PIEZO1: variants seen among roughly 807,000 people sequenced by gnomAD.
PIEZO1 encodes piezo-type mechanosensitive ion channel component 1.
Under a neutral mutation model 297.2 loss-of-function variants are expected in PIEZO1, and 296 were observed. That is an observed-to-expected ratio of 1.00 (90% CI 0.91 to 1.10). The LOEUF (loss-of-function observed/expected upper bound fraction) is 1.10. PIEZO1 is among the 50% of genes least tolerant of loss of function. PIEZO1 has a pLI of 0.00. For synonymous variants in PIEZO1, 2,427 were observed against 1,507.5 expected (o/e 1.61, Z -14.13); for missense variants, 5,018 against 3,455.5 (o/e 1.45, Z -11.34).
chr16:88,736,080 T>G (rs903023499), intron 12 of PIEZO1, 68 bp downstream of exon 12: 16 of 1,439,204 alleles, frequency 1.1e-5, no homozygotes, highest in Non-Finnish European at 1.2e-5. Context: ...AAGTGGACAT[T>G]GAACAGGACG....
chr16:88,738,231 C>G lies in PIEZO1; in HGVS notation c.844G>C (p.Ala282Pro), dbSNP rs771736896. The change falls in exon 7 of 51, where the codon GCT becomes CCT. Residue 282 changes from alanine to proline, a missense_variant. Physicochemically the swap from Ala to Pro is conservative, Grantham distance 27. Transcript: ENST00000301015. ...GGCTGTGTGGCAAGCCGTTACCTAG[C>G]CCAGATGCCGGCAGGCGGGAGCAGA... ...QALLPPAGIW[A>P]RVLGLKDFVG... 9 of 1,535,552 alleles carry G rather than the reference C, an allele frequency of 5.9e-6. No individual in the cohort carries two copies. In the African/African-American group the frequency reaches 9.6e-5, roughly 16 times the overall value.
At chr16:88,764,634 C>T (rs1170816348) in intron 1 of PIEZO1, among the ~76,000 whole-genome samples, 1 of 151,796 alleles carries the variant, frequency 6.6e-6, no homozygotes, top group Non-Finnish European at 1.5e-5. Context: ...ACCTGTAATC[C>T]CAGCTACTCG....
chr16:88,722,193 G>A (rs1279538775), intron 36 of PIEZO1, 25 bp downstream of exon 36: 5 of 1,539,336 alleles, frequency 3.2e-6, no homozygotes, highest in Non-Finnish European at 4.4e-6. Flanking sequence ...TGGTGAGGCT[G>A]GTGTTGTGCG....
rs2242168 is a variant in PIEZO1, at chr16:88,727,378, T to C, written c.3301+179A>G. ...GGTGTGAGGGCATCTGCACAAGGGCTGCCGTGCACACAGGCTGAGGTCTGC... is the reference window on the plus strand; with the variant it reads ...GGTGTGAGGGCATCTGCACAAGGGCCGCCGTGCACACAGGCTGAGGTCTGC... On this transcript the variant is annotated intron_variant, in intron 23 of 50. Transcript: ENST00000301015. Among the ~76,000 whole-genome samples the C allele has an allele frequency of 0.26, 39,998 of 152,166 alleles. 5,940 individuals are homozygous for C. Among genetic ancestry groups the C allele is most frequent in the East Asian group, 0.68 (3,494 of 5,150 alleles).
Position 88,715,695 on chromosome 16 carries a change from C to T in PIEZO1, c.7476G>A (p.Glu2492=). 1 of 1,550,422 alleles carries T rather than the reference C, an allele frequency of 6.4e-7. No homozygotes were observed. ...CGTACAACTCCTCCTCCAGCTCCAGCTCCCGAGTCTCCCGCACCAGGAAGA... is the reference window on the plus strand; with the variant it reads ...CGTACAACTCCTCCTCCAGCTCCAGTTCCCGAGTCTCCCGCACCAGGAAGA... ...QDIFLVRETR[E]LELEEELYAK... The change falls in exon 51 of 51, where the codon GAG becomes GAA. Residue 2492 remains glutamate, a synonymous_variant. Transcript: ENST00000301015.
chr16:88,716,872 C>T lies in PIEZO1; in HGVS notation c.6687G>A (p.Gln2229=). The T allele has an allele frequency of 6.5e-7, 1 of 1,549,998 alleles. No individual in the cohort carries two copies. The highest frequency in any genetic ancestry group is 1.2e-5 in the South Asian group (1 of 84,064). The change falls in exon 46 of 51, where the codon CAG becomes CAA. Residue 2229 remains glutamine, a synonymous_variant. Transcript: ENST00000301015. Reference sequence around the variant, plus strand: ...GGGCCGTGAAGGGGATGATGGACGGCTGCTGGGCGCTCATGGTGAACAGCG... The same window carrying T: ...GGGCCGTGAAGGGGATGATGGACGGTTGCTGGGCGCTCATGGTGAACAGCG... ...YEPLFTMSAQ[Q]PSIIPFTAQA...
Position 88,722,679 on chromosome 16 carries a change from A to C in PIEZO1, c.4679T>G (p.Val1560Gly). The C allele has an allele frequency of 6.5e-7, 1 of 1,537,314 alleles. No homozygotes were observed. The highest frequency in any genetic ancestry group is 8.7e-7 in the Non-Finnish European group (1 of 1,146,286). The change falls in exon 35 of 51, where the codon GTG becomes GGG. Residue 1560 changes from valine (V) to glycine (G), a missense_variant. Coordinates refer to ENST00000301015, the MANE Select transcript of PIEZO1 (RefSeq NM_001142864.4). ...LTQELLQGGE[V>G]HRGVLDQLYT... ...CAGCTGATCCAGCACGCCCCTGTGC[A>C]CTTCGCCGCCCTGCAGGGCACAGCA...
rs1319069836 is a variant in PIEZO1, at chr16:88,716,453, A to G, written c.6957T>C (p.Tyr2319=). Residue 2319 remains tyrosine (Y), a synonymous_variant, in exon 48 of 51, where the codon TAT becomes TAC. Transcript: ENST00000301015. ...RDLAKGGTVE[Y]ANEKHMLALA... ...GGGCCAGCATGTGCTTCTCGTTGGC[A>G]TACTCCACAGTGCCTCCCTTCGCCA... is the stretch of plus-strand genomic sequence containing the variant. The G allele has an allele frequency of 1.3e-6, 2 of 1,549,540 alleles. No individual in the cohort carries two copies. Among genetic ancestry groups the G allele is most frequent in the East Asian group, 2.4e-5 (1 of 40,916 alleles).
rs530284456 is a variant in PIEZO1, at chr16:88,719,577, C to G, written c.6468G>C (p.Glu2156Asp). The change falls in exon 44 of 51, where the codon GAG becomes GAC. Residue 2156 changes from glutamate (E) to aspartate (D), a missense_variant. Physicochemically the swap from Glu to Asp is conservative, Grantham distance 45. Coordinates refer to ENST00000301015, the MANE Select transcript of PIEZO1 (RefSeq NM_001142864.4). ...CCCCCGCCCTGGGCCCAGGCACCTT[C>G]TCTGTCTCTCGGCTGCATTTGATGA... ...IFIIKCSRET[E>D]KKYPQPKGQK... The G allele has an allele frequency of 8.5e-5, 132 of 1,550,620 alleles. No homozygotes were observed. The highest frequency in any genetic ancestry group is 8.7e-7 in the Non-Finnish European group (1 of 1,146,974).
chr16:88,746,967 C>T (rs1457859098), intron 2 of PIEZO1, among the ~76,000 whole-genome samples: 1 of 152,182 alleles, frequency 6.6e-6, no homozygotes, highest in Non-Finnish European at 1.5e-5. Context: ...AGCCATGCAT[C>T]CTGGAGGGGT....
At chr16:88,754,703 G>A (rs1208284604) in intron 1 of PIEZO1, among the ~76,000 whole-genome samples, 1 of 152,218 alleles carries the variant, frequency 6.6e-6, no homozygotes, top group African/African-American at 2.4e-5. Context: ...TTTGAGCAGG[G>A]GGGCTCCGTG....
In PIEZO1 at chr16:88,715,528, G is replaced by C; in HGVS notation, c.*77C>G. 7.1e-7 allele frequency: 1 copy of C among 1,418,236 alleles called. No individual in the cohort carries two copies. The highest frequency in any genetic ancestry group is 9.5e-7 in the Non-Finnish European group (1 of 1,047,398). The allele number at this position is 1,418,236 out of a possible 1,614,324, so 87.9% of individuals were successfully genotyped here. On this transcript the variant is annotated 3_prime_UTR_variant, in exon 51 of 51. Transcript: ENST00000301015. ...CTTGGACGGGGCAGTGGCTCCCCCG[G>C]CCTGAGGAGTGCCGCCCCTTGTGGC...
intron 2 of PIEZO1, chr16:88,742,735 A>C: frequency 5.2e-6 from 2 of 382,272 alleles, no homozygotes; most frequent in East Asian, 6.2e-5. Flanking sequence ...TCCAGCAAAT[A>C]CCTGTCACCG....
At chr16:88,751,140 C>T (rs1163438361) in intron 1 of PIEZO1, among the ~76,000 whole-genome samples, 2 of 152,194 alleles carry the variant, frequency 1.3e-5, no homozygotes, top group Non-Finnish European at 2.9e-5. Flanking sequence ...CTCACCTTGA[C>T]ACCCACCTGC....
intron 1 of PIEZO1, among the ~76,000 whole-genome samples, chr16:88,769,970 G>T (rs1024148502): frequency 6.6e-6 from 1 of 152,164 alleles, no homozygotes; most frequent in Non-Finnish European, 1.5e-5. Context: ...GGGCTCTGAG[G>T]CCCTCCTAAC....
chr16:88,778,956 C>T (rs1907802079), intron 1 of PIEZO1, among the ~76,000 whole-genome samples: 1 of 151,974 alleles, frequency 6.6e-6, no homozygotes, highest in African/African-American at 2.4e-5. Flanking sequence ...GGCGCGTTCA[C>T]CAGAGGCTTC....
Position 88,743,609 on chromosome 16 carries a change from G to A in PIEZO1, c.161-1187C>T, listed in dbSNP as rs773148773. 32 of 456,520 alleles carry A rather than the reference G, an allele frequency of 7.0e-5. 1 individual carries two copies. The highest frequency in any genetic ancestry group is 5.0e-4 in the South Asian group (32 of 64,578). 28.3% of individuals were successfully genotyped at this position (456,520 alleles called of 1,614,324 possible). On this transcript the variant is annotated intron_variant, in intron 2 of 50. Coordinates refer to ENST00000301015, the MANE Select transcript of PIEZO1 (RefSeq NM_001142864.4). Reference sequence around the variant, plus strand: ...CTGTTCAGTTTTTTGAGCACAAATGGTGTTAGGTGACAGACTCGGGATTGG... The same window carrying A: ...CTGTTCAGTTTTTTGAGCACAAATGATGTTAGGTGACAGACTCGGGATTGG...
chr16:88,717,486 G>C, intron 44 of PIEZO1: 1 of 593,532 alleles, frequency 1.7e-6, no homozygotes, highest in South Asian at 1.6e-5. Flanking sequence ...CACCGCCCCA[G>C]GCAGGAGAAT....
At position 88,736,310 on chromosome 16, in the gene PIEZO1, C is replaced by A. The variant is rs766447293; in HGVS notation, c.1395G>T (p.Leu465=). 1.3e-6 allele frequency: 2 copies of A among 1,550,234 alleles called. No homozygotes were observed. Among genetic ancestry groups the A allele is most frequent in the South Asian group, 2.4e-5 (2 of 84,068 alleles). Residue 465 remains leucine, a synonymous_variant, in exon 12 of 51, where the codon CTG becomes CTT. Transcript: ENST00000301015. Reference sequence around the variant, plus strand: ...CATACAGCAGGATGCAGGGCGAGCACAGCATGGCCAGTTGGTGGCGGCTGC... The same window carrying A: ...CATACAGCAGGATGCAGGGCGAGCAAAGCATGGCCAGTTGGTGGCGGCTGC... ...TVRSRHQLAM[L]CSPCILLYGM...
Sources: gnomAD v4.1 joint callset for allele counts (sites outside exome capture counted in the v4.1 genomes callset) on GRCh38, gnomAD v4.1.1 for gene constraint, MANE v1.5 for transcripts, NCBI Gene and HGNC (gene_info 2026-07-23, HGNC 2026-07-21) for gene names.